LDB2: variants seen among roughly 807,000 people sequenced by gnomAD.
The protein encoded by LDB2 is LIM domain binding 2.
A neutral mutation model predicts 44.3 loss-of-function variants in LDB2; 12 were observed. The observed-to-expected ratio is 0.27, with a 90% CI of 0.17 to 0.44. The LOEUF is 0.44. LDB2 is among the 20% of genes least tolerant of loss of function. LDB2 has a pLI of 1.00. For synonymous variants in LDB2, 164 were observed against 174.8 expected, an observed-to-expected ratio of 0.94 and a Z score of 0.49; for missense variants, 344 against 473.5, an observed-to-expected ratio of 0.73 and a Z score of 2.54.
chr4:16,513,727 C>G (rs1722643626), intron 5 of LDB2, among the ~76,000 whole-genome samples: 2 of 152,206 alleles, frequency 1.3e-5, no homozygotes, highest in Non-Finnish European at 2.9e-5. Context: ...ATGATACCCC[C>G]AAGTGAAGGC....
chr4:16,682,306 C>T (rs1264573049), intron 2 of LDB2, among the ~76,000 whole-genome samples: 1 of 152,242 alleles, frequency 6.6e-6, no homozygotes, highest in Non-Finnish European at 1.5e-5. Flanking sequence ...TATTTTATTT[C>T]TCTGAGGACA....
chr4:16,510,608 A>AAAAT lies in LDB2; in HGVS notation c.739+1369_739+1372dup, dbSNP rs566011049. Among the ~76,000 whole-genome samples, 297 of 152,328 alleles carry AAAAT rather than the reference A, an allele frequency of 1.9e-3. 1 individual carries two copies. Among genetic ancestry groups the AAAAT allele is most frequent in the African/African-American group, 6.8e-3 (282 of 41,578 alleles). On this transcript the variant is annotated intron_variant, in intron 6 of 7. Transcript: ENST00000304523. ...ATTACCAGTAGGTGGCTGTGGTAGTAAAATAATAGACTTTGGAGACATAAA... is the reference window on the plus strand; with the variant it reads ...ATTACCAGTAGGTGGCTGTGGTAGTAAAATAAATAATAGACTTTGGAGACATAAA...
intron 2 of LDB2, among the ~76,000 whole-genome samples, chr4:16,621,952 G>A (rs1341669676): frequency 6.6e-6 from 1 of 152,204 alleles, no homozygotes; most frequent in African/African-American, 2.4e-5. Flanking sequence ...AAGTAAAGAT[G>A]CTTTGAAATA....
chr4:16,648,783 C>T (rs1470267865), intron 2 of LDB2, among the ~76,000 whole-genome samples: 1 of 151,998 alleles, frequency 6.6e-6, no homozygotes, highest in Non-Finnish European at 1.5e-5. Context: ...AACTCCAAGT[C>T]ACTCTAGTTT....
At chr4:16,547,217 C>T (rs933970492) in intron 5 of LDB2, among the ~76,000 whole-genome samples, 1 of 152,242 alleles carries the variant, frequency 6.6e-6, no homozygotes, top group African/African-American at 2.4e-5. Flanking sequence ...GAGTTAGGCT[C>T]GCACAAGTTC....
chr4:16,806,845 C>A (rs1778886801), intron 1 of LDB2, among the ~76,000 whole-genome samples: 1 of 151,856 alleles, frequency 6.6e-6, no homozygotes, highest in African/African-American at 2.4e-5. Flanking sequence ...TACTTCACCT[C>A]TTCTTGTTCT....
At chr4:16,649,115 T>C (rs1256228980) in intron 2 of LDB2, among the ~76,000 whole-genome samples, 2 of 152,240 alleles carry the variant, frequency 1.3e-5, no homozygotes, top group Non-Finnish European at 2.9e-5. Context: ...ACAACTTCAC[T>C]TCTTTATATC....
intron 5 of LDB2, among the ~76,000 whole-genome samples, chr4:16,520,309 C>CA (rs1725565121): frequency 1.5e-4 from 20 of 135,308 alleles, no homozygotes; most frequent in Non-Finnish European, 2.9e-4. Context: ...AAAAAAAAAA[C>CA]AAAAAAGCAA....
At chr4:16,636,512 A>G (rs1219176434) in intron 2 of LDB2, among the ~76,000 whole-genome samples, 2 of 152,164 alleles carry the variant, frequency 1.3e-5, no homozygotes, top group Non-Finnish European at 2.9e-5. Flanking sequence ...TACTTAGGAG[A>G]TAAGTTGATC....
At chr4:16,819,411 A>T (rs1781537945) in intron 1 of LDB2, among the ~76,000 whole-genome samples, 1 of 133,270 alleles carries the variant, frequency 7.5e-6, no homozygotes. Flanking sequence ...TTTAGGTCAG[A>T]TTTTGGTCAA....
At chr4:16,706,831 T>A (rs1754716424) in intron 2 of LDB2, among the ~76,000 whole-genome samples, 1 of 152,150 alleles carries the variant, frequency 6.6e-6, no homozygotes, top group Non-Finnish European at 1.5e-5. Context: ...GTACTGCAGC[T>A]CTCAGATACC....
At chr4:16,589,315 C>T (rs1431266852) in intron 3 of LDB2, among the ~76,000 whole-genome samples, 1 of 152,014 alleles carries the variant, frequency 6.6e-6, no homozygotes, top group Non-Finnish European at 1.5e-5. Context: ...ATTTCCAAAA[C>T]GAAATTCCGG....
At chr4:16,610,349 G>C (rs1394981035) in intron 2 of LDB2, among the ~76,000 whole-genome samples, 1 of 152,132 alleles carries the variant, frequency 6.6e-6, no homozygotes, top group African/African-American at 2.4e-5. Flanking sequence ...GTGCAGAACG[G>C]GGCAGAGGAT....
intron 2 of LDB2, among the ~76,000 whole-genome samples, chr4:16,661,513 T>C (rs1741585658): frequency 1.3e-5 from 2 of 152,208 alleles, no homozygotes. Context: ...ATGATACAAT[T>C]ACCTACTTCC....
At chr4:16,662,142 C>T (rs1355662105) in intron 2 of LDB2, among the ~76,000 whole-genome samples, 1 of 152,058 alleles carries the variant, frequency 6.6e-6, no homozygotes, top group Non-Finnish European at 1.5e-5. Flanking sequence ...TAAATTTTGC[C>T]TTTGAATAGC....
At chr4:16,814,169 C>T (rs1406640355) in intron 1 of LDB2, among the ~76,000 whole-genome samples, 1 of 152,200 alleles carries the variant, frequency 6.6e-6, no homozygotes, top group Non-Finnish European at 1.5e-5. Flanking sequence ...CGCACCCGGC[C>T]AGGGATACTG....
At chr4:16,550,274 A>C (rs1376006346) in intron 5 of LDB2, among the ~76,000 whole-genome samples, 1 of 152,170 alleles carries the variant, frequency 6.6e-6, no homozygotes, top group Non-Finnish European at 1.5e-5. Context: ...CCATCTCTGC[A>C]GTTTCCTTCC....
intron 1 of LDB2, among the ~76,000 whole-genome samples, chr4:16,813,023 G>A (rs1018896970): frequency 4.0e-5 from 6 of 151,762 alleles, no homozygotes; most frequent in African/African-American, 1.5e-4. Context: ...TTTGAGACAG[G>A]GTCTTGCTCT....
intron 5 of LDB2, among the ~76,000 whole-genome samples, chr4:16,539,256 G>A (rs1430176313): frequency 6.6e-6 from 1 of 152,150 alleles, no homozygotes; most frequent in Non-Finnish European, 1.5e-5. Context: ...TCTGGGTAAA[G>A]AGAGGAGAAA....
Sources: allele counts gnomAD v4.1 joint callset (sites outside exome capture counted in the v4.1 genomes callset), GRCh38; gene constraint gnomAD v4.1.1; transcripts MANE v1.5; gene names NCBI Gene and HGNC (gene_info 2026-07-23, HGNC 2026-07-21).